KIAA1217: variants seen among roughly 807,000 people sequenced by gnomAD.
KIAA1217 encodes KIAA1217.
A neutral mutation model predicts 163.9 loss-of-function variants in KIAA1217; 88 were observed. The observed-to-expected ratio is 0.54, with a 90% confidence interval of 0.45 to 0.64. KIAA1217 has a LOEUF of 0.64. KIAA1217 is among the 30% of genes least tolerant of loss of function. KIAA1217 has a pLI of 0.00. For missense variants in KIAA1217, 2,372 were observed against 2,475.0 expected (o/e 0.96, Z 0.88); for synonymous variants, 903 against 923.1 (o/e 0.98, Z 0.39).
At chr10:24,497,911 A>G (rs1330394263) in intron 8 of KIAA1217, among the ~76,000 whole-genome samples, 1 of 152,072 alleles carries the variant, frequency 6.6e-6, no homozygotes, top group Admixed American at 6.5e-5. Flanking sequence ...GTGTACTAAA[A>G]TCTCCGACTT....
chr10:24,257,594 C>A (rs1186183115), intron 2 of KIAA1217, among the ~76,000 whole-genome samples: 2 of 152,170 alleles, frequency 1.3e-5, no homozygotes, highest in African/African-American at 4.8e-5. Flanking sequence ...AGATCAAAGT[C>A]AACCTCAGGG....
chr10:24,075,445 T>A (rs1239595085), intron 2 of KIAA1217, among the ~76,000 whole-genome samples: 2 of 152,104 alleles, frequency 1.3e-5, no homozygotes, highest in Non-Finnish European at 2.9e-5. Flanking sequence ...CTTTCCTTAA[T>A]TGCTGTAGCA....
intron 1 of KIAA1217, among the ~76,000 whole-genome samples, chr10:23,857,044 C>T (rs1042549636): frequency 6.6e-6 from 1 of 152,234 alleles, no homozygotes; most frequent in Non-Finnish European, 1.5e-5. Flanking sequence ...TCTGGCACTC[C>T]CTAGTGAGAT....
chr10:23,940,406 G>A (rs372493139), intron 1 of KIAA1217, among the ~76,000 whole-genome samples: 108 of 141,000 alleles, frequency 7.7e-4, no homozygotes, highest in African/African-American at 2.8e-3. Flanking sequence ...TTTGCAGTGA[G>A]CCGAGATTGC....
chr10:24,239,867 T>A (rs1564324202), intron 2 of KIAA1217, among the ~76,000 whole-genome samples: 1 of 152,188 alleles, frequency 6.6e-6, no homozygotes, highest in Non-Finnish European at 1.5e-5. Flanking sequence ...TAAAAGTATG[T>A]ATCTGATGCT....
chr10:23,716,952 A>G (rs186383664), intron 1 of KIAA1217, among the ~76,000 whole-genome samples: 1 of 152,160 alleles, frequency 6.6e-6, no homozygotes, highest in African/African-American at 2.4e-5. Flanking sequence ...AGGCTTATTT[A>G]TACTTGTCAC....
At chr10:24,480,321 T>G (rs1303728205) in intron 6 of KIAA1217, among the ~76,000 whole-genome samples, 1 of 152,216 alleles carries the variant, frequency 6.6e-6, no homozygotes, top group African/African-American at 2.4e-5. Flanking sequence ...AGTTATTACC[T>G]CCATTCTGCC....
At chr10:24,387,911 A>C (rs960611839) in intron 3 of KIAA1217, among the ~76,000 whole-genome samples, 2 of 152,008 alleles carry the variant, frequency 1.3e-5, no homozygotes, top group African/African-American at 4.8e-5. Flanking sequence ...AAGAGGACAC[A>C]AACAAATGGA....
At chr10:23,903,322 TA>T (rs1472800382) in intron 1 of KIAA1217, among the ~76,000 whole-genome samples, 1 of 152,080 alleles carries the variant, frequency 6.6e-6, no homozygotes, top group Non-Finnish European at 1.5e-5. Flanking sequence ...GGAGAAAGAG[TA>T]AAATTTTTCT....
intron 2 of KIAA1217, among the ~76,000 whole-genome samples, chr10:24,163,094 A>G (rs1289838639): frequency 6.6e-6 from 1 of 152,226 alleles, no homozygotes; most frequent in Non-Finnish European, 1.5e-5. Context: ...GGAAGCAGGC[A>G]TCACTGGGGA....
chr10:24,099,737 C>G (rs1460517300), intron 2 of KIAA1217, among the ~76,000 whole-genome samples: 1 of 134,072 alleles, frequency 7.5e-6, no homozygotes, highest in Non-Finnish European at 1.6e-5. Context: ...TATCCCTCCC[C>G]CCTCCCCCCA....
At chr10:23,809,300 G>A (rs1249334536) in intron 1 of KIAA1217, among the ~76,000 whole-genome samples, 2 of 151,952 alleles carry the variant, frequency 1.3e-5, no homozygotes, top group East Asian at 3.9e-4. Context: ...GTTGGGAGGG[G>A]GAGAGAATTG....
chr10:24,488,688 C>G (rs2065711551), intron 6 of KIAA1217, among the ~76,000 whole-genome samples: 1 of 152,140 alleles, frequency 6.6e-6, no homozygotes, highest in Non-Finnish European at 1.5e-5. Context: ...ATTTAAATTC[C>G]TTTGTTTTGT....
At chr10:24,532,272 G>A (rs773088327) in intron 15 of KIAA1217, among the ~76,000 whole-genome samples, 12 of 152,214 alleles carry the variant, frequency 7.9e-5, no homozygotes, top group Non-Finnish European at 1.2e-4. Context: ...GAAAATGAGG[G>A]TAGGAGGGGG....
At chr10:24,077,939 C>A (rs573662084) in intron 2 of KIAA1217, among the ~76,000 whole-genome samples, 15 of 152,238 alleles carry the variant, frequency 9.9e-5, no homozygotes, top group African/African-American at 3.6e-4. Flanking sequence ...CTCTAATGAT[C>A]AGTGGTGTTG....
At chr10:24,138,285 A>G (rs1266413136) in intron 2 of KIAA1217, among the ~76,000 whole-genome samples, 1 of 151,994 alleles carries the variant, frequency 6.6e-6, no homozygotes, top group East Asian at 1.9e-4. Context: ...CTCCCAAGTA[A>G]CTGGGACTAC....
intron 1 of KIAA1217, among the ~76,000 whole-genome samples, chr10:23,700,107 A>G (rs972080518): frequency 6.6e-6 from 1 of 152,186 alleles, no homozygotes; most frequent in African/African-American, 2.4e-5. Flanking sequence ...TACTTTATGG[A>G]TAGACGTGAC....
intron 2 of KIAA1217, among the ~76,000 whole-genome samples, chr10:24,042,745 G>T (rs1848703879): frequency 6.6e-6 from 1 of 152,088 alleles, no homozygotes; most frequent in Non-Finnish European, 1.5e-5. Context: ...GTTTTCACTT[G>T]TCTTCCAGAA....
chr10:23,905,241 C>T (rs1281799951), intron 1 of KIAA1217, among the ~76,000 whole-genome samples: 3 of 151,156 alleles, frequency 2.0e-5, no homozygotes, highest in South Asian at 2.1e-4. Flanking sequence ...AAGATCTGCC[C>T]AGGACCCTGG....
Sources: allele counts gnomAD v4.1 joint callset (sites outside exome capture counted in the v4.1 genomes callset), GRCh38; gene constraint gnomAD v4.1.1; transcripts MANE v1.5; gene names NCBI Gene and HGNC (gene_info 2026-07-23, HGNC 2026-07-21).